ELP4: variants seen among roughly 807,000 people sequenced by gnomAD.
The protein encoded by ELP4 is elongator acetyltransferase complex subunit 4, also known as elongator complex protein 4.
ELP4 carries 51 observed loss-of-function variants against 48.9 expected under a neutral mutation model. That is an observed-to-expected ratio of 1.04 (90% CI 0.83 to 1.32). The LOEUF (loss-of-function observed/expected upper bound fraction) is 1.32. ELP4 is among the 40% of genes most tolerant of loss of function. ELP4 has a pLI of 0.00. For missense variants in ELP4, 519 were observed against 514.6 expected (o/e 1.01, Z -0.08); for synonymous variants, 210 against 189.2 (o/e 1.11, Z -0.90).
intron 3 of ELP4, among the ~76,000 whole-genome samples, chr11:31,550,380 GACTTCAAAAAGTTTGTGGA>G (rs2094793946): frequency 6.6e-6 from 1 of 151,944 alleles, no homozygotes; most frequent in African/African-American, 2.4e-5. Flanking sequence ...TATATGAAGG[GACTTCAAAAAGTTTGTGGA>G]AAAATGGAAT....
chr11:31,714,350 A>T (rs915261206), intron 9 of ELP4, among the ~76,000 whole-genome samples: 1 of 152,214 alleles, frequency 6.6e-6, no homozygotes, highest in Admixed American at 6.5e-5. Flanking sequence ...TTGTAAAGAA[A>T]AATTTTTTAT....
chr11:31,636,145 G>A (rs955846741), intron 7 of ELP4, among the ~76,000 whole-genome samples: 1 of 151,932 alleles, frequency 6.6e-6, no homozygotes, highest in African/African-American at 2.4e-5. Flanking sequence ...GGATACAGTA[G>A]CAAACAAGAC....
chr11:31,616,590 T>A (rs1345713061), intron 5 of ELP4, among the ~76,000 whole-genome samples: 1 of 152,010 alleles, frequency 6.6e-6, no homozygotes, highest in Non-Finnish European at 1.5e-5. Context: ...GACATCAAAC[T>A]TAAACTTTTG....
At chr11:31,566,820 A>T (rs927455480) in intron 3 of ELP4, among the ~76,000 whole-genome samples, 7 of 152,312 alleles carry the variant, frequency 4.6e-5, no homozygotes, top group African/African-American at 1.7e-4. Flanking sequence ...GAGGTTTCTT[A>T]GACTTACTTA....
chr11:31,677,307 A>G (rs1945946496), intron 9 of ELP4, among the ~76,000 whole-genome samples: 1 of 152,208 alleles, frequency 6.6e-6, no homozygotes, highest in Non-Finnish European at 1.5e-5. Context: ...ACCAAGGTCC[A>G]GGGTGGGTGA....
chr11:31,694,726 G>T (rs1223503655), intron 9 of ELP4, among the ~76,000 whole-genome samples: 1 of 152,104 alleles, frequency 6.6e-6, no homozygotes, highest in Admixed American at 6.6e-5. Context: ...AATGGGGATG[G>T]CATTGACTAT....
intron 7 of ELP4, among the ~76,000 whole-genome samples, chr11:31,639,346 C>T (rs776274560): frequency 6.6e-6 from 1 of 151,776 alleles, no homozygotes; most frequent in Non-Finnish European, 1.5e-5. Context: ...ATTCCAGTGA[C>T]TTTGTGTCAG....
chr11:31,705,029 A>G (rs1032640951), intron 9 of ELP4, among the ~76,000 whole-genome samples: 17 of 151,870 alleles, frequency 1.1e-4, no homozygotes, highest in African/African-American at 3.9e-4. Flanking sequence ...AAAAAATTAT[A>G]TAGTATATGA....
intron 6 of ELP4, among the ~76,000 whole-genome samples, chr11:31,630,258 T>G (rs1398008579): frequency 6.6e-6 from 1 of 150,426 alleles, no homozygotes; most frequent in African/African-American, 2.5e-5. Flanking sequence ...AATTTCATTC[T>G]TATAGTCTTA....
chr11:31,735,590 C>T (rs978437027), intron 9 of ELP4, among the ~76,000 whole-genome samples: 127 of 152,160 alleles, frequency 8.3e-4, no homozygotes, highest in African/African-American at 2.9e-3. Context: ...CGTCTCAGCC[C>T]AAAATCTCCT....
intron 9 of ELP4, among the ~76,000 whole-genome samples, chr11:31,716,407 C>T (rs1946842637): frequency 6.6e-6 from 1 of 152,154 alleles, no homozygotes; most frequent in South Asian, 2.1e-4. Flanking sequence ...CATTCTGTCT[C>T]TTTACTAATT....
At chr11:31,632,149 C>G in intron 6 of ELP4, 68 bp from the exon 7 acceptor site, 1 of 1,293,018 alleles carries the variant, frequency 7.7e-7, no homozygotes, top group Admixed American at 2.4e-5. Flanking sequence ...TAAGAACTGA[C>G]AGATAAAAGT....
chr11:31,780,485 G>A (rs1186031321), intron 9 of ELP4, among the ~76,000 whole-genome samples: 4 of 152,116 alleles, frequency 2.6e-5, no homozygotes, highest in Admixed American at 1.3e-4. Flanking sequence ...CCATCCTTGG[G>A]CATTTTCAAA....
At chr11:31,629,612 G>C (rs1229582140) in intron 6 of ELP4, among the ~76,000 whole-genome samples, 6 of 151,844 alleles carry the variant, frequency 4.0e-5, no homozygotes, top group Non-Finnish European at 7.4e-5. Flanking sequence ...CAGCATTTTT[G>C]TTGTAAACTT....
chr11:31,758,222 G>A (rs1001955049), intron 9 of ELP4, among the ~76,000 whole-genome samples: 17 of 152,114 alleles, frequency 1.1e-4, no homozygotes, highest in African/African-American at 3.9e-4. Flanking sequence ...ATTTCAGAGC[G>A]TATTAACAAC....
rs373380755 is a variant in ELP4, at chr11:31,594,256, C to T, written c.382-514C>T. Among the ~76,000 whole-genome samples, 42 of 152,244 alleles carry T rather than the reference C, an allele frequency of 2.8e-4. No individual in the cohort carries two copies. The East Asian group carries it at 6.7e-3, about 24-fold the overall frequency. On this transcript the variant is annotated intron_variant, in intron 3 of 9. Transcript: ENST00000640961. ...ATTATTGTTAAAGAAGAGACATAAG[C>T]TTGCAGGTGCAAAGCTAGCATTTGA...
chr11:31,511,075 A>G (rs1339824513), intron 1 of ELP4: 1 of 152,230 alleles, frequency 6.6e-6, no homozygotes, highest in Non-Finnish European at 1.5e-5. Flanking sequence ...GAAGACCAGC[A>G]ACCTATGAGA....
chr11:31,649,908 C>T (rs1446618763), intron 8 of ELP4: 3 of 382,976 alleles, frequency 7.8e-6, no homozygotes, highest in South Asian at 1.0e-4. Context: ...TAGTTTTCCT[C>T]GCACAAGGAT....
intron 4 of ELP4, among the ~76,000 whole-genome samples, chr11:31,595,496 A>G (rs181355796): frequency 3.3e-5 from 5 of 152,326 alleles, no homozygotes; most frequent in Admixed American, 3.3e-4. Flanking sequence ...AGATATTAGC[A>G]TACTAGTAGA....
Sources: gnomAD v4.1 joint callset for allele counts (sites outside exome capture counted in the v4.1 genomes callset) on GRCh38, gnomAD v4.1.1 for gene constraint, MANE v1.5 for transcripts, NCBI Gene and HGNC (gene_info 2026-07-23, HGNC 2026-07-21) for gene names.